NAMPT: variants seen among roughly 807,000 people sequenced by gnomAD.
NAMPT encodes NAmPRTase.
A neutral mutation model predicts 58.7 loss-of-function variants in NAMPT; 7 were observed. The ratio of observed to expected loss-of-function variants is 0.12; its 90% CI spans 0.07 to 0.22. The LOEUF (loss-of-function observed/expected upper bound fraction) is 0.22. NAMPT is among the 10% of genes least tolerant of loss of function. The pLI, the probability that NAMPT is intolerant of heterozygous loss-of-function variation, is 1.00. For synonymous variants in NAMPT, 145 were observed against 198.1 expected (o/e 0.73, Z 2.25); for missense variants, 271 against 567.9 (o/e 0.48, Z 5.31).
At chr7:106,266,062 A>G (rs2115769732) in intron 6 of NAMPT, among the ~76,000 whole-genome samples, 1 of 152,328 alleles carries the variant, frequency 6.6e-6, no homozygotes, top group African/African-American at 2.4e-5. Flanking sequence ...GAAGAAATGA[A>G]GAACAGAGAG....
intron 8 of NAMPT, among the ~76,000 whole-genome samples, chr7:106,258,980 G>T (rs1458097901): frequency 6.6e-6 from 1 of 152,212 alleles, no homozygotes; most frequent in Non-Finnish European, 1.5e-5. Context: ...ACCCACACAA[G>T]AACTTCTTTC....
intron 8 of NAMPT, among the ~76,000 whole-genome samples, chr7:106,256,333 A>C (rs1792199036): frequency 6.6e-6 from 1 of 152,254 alleles, no homozygotes; most frequent in African/African-American, 2.4e-5. Context: ...TTACACTGTC[A>C]ACCTCATGGG....
At position 106,274,990 on chromosome 7, in the gene NAMPT, G is replaced by C; in HGVS notation, c.274C>G (p.Gln92Glu). Residue 92 changes from glutamine (Q) to glutamate (E), a missense_variant, in exon 3 of 11, where the codon CAA (glutamine) becomes GAA (glutamate). Coordinates refer to ENST00000222553, the MANE Select transcript of NAMPT (RefSeq NM_005746.3). Reference sequence around the variant, plus strand: ...CCCTTTTCATTAAAGACATCATCTTGGAAATGTTCTTTGTAGACATCTTTG... The same window carrying C: ...CCCTTTTCATTAAAGACATCATCTTCGAAATGTTCTTTGTAGACATCTTTG... Reference protein sequence around the residue: ...EAKDVYKEHFQDDVFNEKGWN... With the variant: ...EAKDVYKEHFEDDVFNEKGWN... 1 of 1,612,098 alleles carries C rather than the reference G, an allele frequency of 6.2e-7. No homozygotes were observed. Among genetic ancestry groups the C allele is most frequent in the Non-Finnish European group, 8.5e-7 (1 of 1,178,492 alleles).
chr7:106,268,394 A>T, intron 6 of NAMPT, 70 bp downstream of exon 6: 2 of 1,465,484 alleles, frequency 1.4e-6, no homozygotes, highest in Non-Finnish European at 1.9e-6. Context: ...CAGTTAGGTA[A>T]AATGTCACTG....
At chr7:106,256,220 A>T (rs1039371706) in intron 8 of NAMPT, among the ~76,000 whole-genome samples, 1 of 152,226 alleles carries the variant, frequency 6.6e-6, no homozygotes, top group African/African-American at 2.4e-5. Context: ...CAGAAAAAGA[A>T]GATAGGCGCT....
intron 8 of NAMPT, among the ~76,000 whole-genome samples, chr7:106,259,257 C>T (rs1792261508): frequency 6.6e-6 from 1 of 152,206 alleles, no homozygotes; most frequent in Admixed American, 6.5e-5. Flanking sequence ...TTTGTAGTTA[C>T]TTCCTCCACT....
At chr7:106,255,810 A>C (rs1303697309) in intron 8 of NAMPT, among the ~76,000 whole-genome samples, 2 of 152,232 alleles carry the variant, frequency 1.3e-5, no homozygotes, top group Non-Finnish European at 2.9e-5. Flanking sequence ...TCAATACAGA[A>C]GAAATGCAAA....
chr7:106,266,623 C>T (rs547835907), intron 6 of NAMPT, among the ~76,000 whole-genome samples: 63 of 152,252 alleles, frequency 4.1e-4, no homozygotes, highest in African/African-American at 1.4e-3. Flanking sequence ...AATTTTATCT[C>T]CCAAGCCATT....
At chr7:106,262,860 CCTG>C (rs1222312726) in intron 7 of NAMPT, among the ~76,000 whole-genome samples, 6 of 151,834 alleles carry the variant, frequency 4.0e-5, no homozygotes, top group African/African-American at 7.3e-5. Context: ...ATCAAATAAG[CCTG>C]CTATTACTAC....
chr7:106,261,110 G>A (rs1322722502), intron 8 of NAMPT, among the ~76,000 whole-genome samples: 3 of 152,164 alleles, frequency 2.0e-5, no homozygotes, highest in South Asian at 4.1e-4. Context: ...AATGAGGTAC[G>A]CCTGCATAAC....
chr7:106,285,078 G>T, upstream of NAMPT: 1 of 1,351,822 alleles, frequency 7.4e-7, no homozygotes, highest in Non-Finnish European at 9.6e-7. Context: ...CGCGGGTGAC[G>T]GCTGCGGCGG....
Position 106,284,822 on chromosome 7 carries a change from C to CT in NAMPT, c.57+5dup, listed in dbSNP as rs1351594325. The CT allele has an allele frequency of 6.5e-6, 10 of 1,545,850 alleles. No homozygotes were observed. Among genetic ancestry groups the CT allele is most frequent in the Non-Finnish European group, 8.7e-6 (10 of 1,143,520 alleles). ...CCTCCTCATCTGCCCGGGCCCCGAG[C>CT]TTTACCTTGTAGGAGTCGGTGGCCA... On this transcript the variant is annotated splice_donor_region_variant and intron_variant, in intron 1 of 10. Coordinates refer to ENST00000222553, the MANE Select transcript of NAMPT (RefSeq NM_005746.3).
chr7:106,274,806 G>T, intron 3 of NAMPT, 140 bp downstream of exon 3: 1 of 585,068 alleles, frequency 1.7e-6, no homozygotes, highest in Non-Finnish European at 3.1e-6. Context: ...AGTGAGCCGA[G>T]ATTGTGCCAC....
At chr7:106,257,428 C>G (rs997124465) in intron 8 of NAMPT, among the ~76,000 whole-genome samples, 15 of 144,058 alleles carry the variant, frequency 1.0e-4, no homozygotes, top group Admixed American at 7.7e-4. Flanking sequence ...GTTTCCCAGA[C>G]TGGGAAACAG....
At chr7:106,274,140 A>G (rs898382168) in intron 3 of NAMPT, among the ~76,000 whole-genome samples, 5 of 150,862 alleles carry the variant, frequency 3.3e-5, no homozygotes, top group Admixed American at 6.6e-5. Context: ...AAGACTAAAA[A>G]TCAACTTTGT....
intron 8 of NAMPT, among the ~76,000 whole-genome samples, chr7:106,259,497 G>C (rs1309262066): frequency 6.6e-6 from 1 of 152,040 alleles, no homozygotes; most frequent in African/African-American, 2.4e-5. Context: ...GCGTGATCTT[G>C]GCACACTACA....
In NAMPT at chr7:106,266,692, T is replaced by C. The variant is rs192436241; in HGVS notation, c.743+1772A>G. On this transcript the variant is annotated intron_variant, in intron 6 of 10. Coordinates refer to ENST00000222553, the MANE Select transcript of NAMPT (RefSeq NM_005746.3). ...GCACCTTGGTCTGGACTTCATTACC[T>C]TAAGACTGCTGGAATAGCTTCCTAT... Among the ~76,000 whole-genome samples the C allele has an allele frequency of 2.0e-5, 3 of 152,334 alleles. No individual in the cohort carries two copies. In the East Asian group the frequency reaches 5.8e-4, roughly 29 times the overall value.
chr7:106,285,013 G>A (rs576827743), upstream of NAMPT: 774 of 1,430,334 alleles, frequency 5.4e-4, 5 homozygotes, highest in African/African-American at 8.3e-3. Flanking sequence ...GGGAGAGGGG[G>A]AAACGGAGAG....
intron 8 of NAMPT, among the ~76,000 whole-genome samples, 177 bp from the exon 9 acceptor site, chr7:106,254,681 T>G (rs1264379753): frequency 6.6e-6 from 1 of 152,098 alleles, no homozygotes; most frequent in Non-Finnish European, 1.5e-5. Flanking sequence ...AAAAGATGGA[T>G]ATGTGTGGAA....
Sources: gnomAD v4.1 joint callset for allele counts (sites outside exome capture counted in the v4.1 genomes callset) on GRCh38, gnomAD v4.1.1 for gene constraint, MANE v1.5 for transcripts, NCBI Gene and HGNC (gene_info 2026-07-23, HGNC 2026-07-21) for gene names.